Variants in PCDHA2 observed in about 807,000 individuals in gnomAD.
PCDHA2 encodes the protein protocadherin alpha 2.
PCDHA2 carries 58 observed loss-of-function variants against 66.0 expected under a neutral mutation model. The ratio of observed to expected loss-of-function variants is 0.88; its 90% confidence interval spans 0.71 to 1.09. The LOEUF (loss-of-function observed/expected upper bound fraction) is 1.09, where lower values mean the gene tolerates loss of function less well. Ranked by LOEUF, PCDHA2 falls within the 50% of genes least tolerant of loss-of-function variation. PCDHA2 has a pLI of 0.00. For missense variants in PCDHA2, 1,267 were observed against 1,242.3 expected (o/e 1.02, Z -0.30); for synonymous variants, 634 against 554.0 (o/e 1.14, Z -2.03).
At chr5:140,883,623 C>T (rs782045250) in intron 1 of PCDHA2, 3 of 1,613,988 alleles carry the variant, frequency 1.9e-6, no homozygotes, top group East Asian at 4.5e-5. Context: ...AACGACAACG[C>T]GCCGGCGTTC....
At chr5:140,979,354 A>G (rs1205411040) in intron 2 of PCDHA2, among the ~76,000 whole-genome samples, 1 of 151,576 alleles carries the variant, frequency 6.6e-6, no homozygotes. Context: ...ATTAATACTC[A>G]TGCTTTGAGA....
rs1781057747 is a variant in PCDHA2 at position 140,847,527 on chromosome 5, G to T, written c.2388+50175G>T. On this transcript the variant is annotated intron_variant, in intron 1 of 3. Transcript: ENST00000526136. ...ACTTTGTAGAACTTAGTCAGGAAAA[G>T]AATCTCAAGCATAGCTTTAAAAACA... 2.0e-5 allele frequency: 3 copies of T among 149,526 alleles called. No homozygotes were observed. In the Admixed American group the frequency reaches 2.0e-4, roughly 10 times the overall value. The allele number at this position is 149,526 out of a possible 1,614,324, so 9.3% of individuals were successfully genotyped here.
chr5:140,942,808 C>T (rs1175421349), intron 1 of PCDHA2, among the ~76,000 whole-genome samples: 1 of 151,920 alleles, frequency 6.6e-6, no homozygotes, highest in East Asian at 1.9e-4. Context: ...TTTCCACAAA[C>T]TAGTTGGATT....
intron 1 of PCDHA2, among the ~76,000 whole-genome samples, chr5:140,888,286 C>T (rs1277980750): frequency 6.6e-6 from 1 of 152,080 alleles, no homozygotes; most frequent in African/African-American, 2.4e-5. Context: ...TCCCCTCTAC[C>T]CCCTACCCAG....
In PCDHA2 at chr5:140,988,105, A is replaced by C. The variant is rs2097283158; in HGVS notation, c.2536+5542A>C. On this transcript the variant is annotated intron_variant, in intron 3 of 3. Transcript: ENST00000526136. ...TGAGTGCAGCCTCGGGCCTTGTTGGAGAATTTAGAAAGCATGCTGTTCCAC... is the reference window on the plus strand; with the variant it reads ...TGAGTGCAGCCTCGGGCCTTGTTGGCGAATTTAGAAAGCATGCTGTTCCAC... Among the ~76,000 whole-genome samples the C allele has an allele frequency of 2.6e-5, 4 of 152,138 alleles. No individual in the cohort carries two copies. In the South Asian group the frequency reaches 8.3e-4, roughly 32 times the overall value.
chr5:140,965,029 A>G (rs1252337885), intron 1 of PCDHA2, among the ~76,000 whole-genome samples: 2 of 152,178 alleles, frequency 1.3e-5, no homozygotes, highest in Non-Finnish European at 2.9e-5. Context: ...GGCTCCTTTA[A>G]CTGTCCGCTC....
intron 1 of PCDHA2, chr5:140,821,742 G>A (rs2150110366): frequency 9.6e-6 from 15 of 1,555,750 alleles, no homozygotes; most frequent in African/African-American, 1.4e-5. Flanking sequence ...GTGTGGTGAT[G>A]CAATAGAAAG....
chr5:140,865,243 T>C (rs1554159328), intron 1 of PCDHA2: 1 of 152,228 alleles, frequency 6.6e-6, no homozygotes, highest in Non-Finnish European at 1.5e-5. Flanking sequence ...CACGTATTTA[T>C]AGCTGTAAGG....
In PCDHA2 at chr5:140,795,105, C is replaced by G. The variant is rs782509619; in HGVS notation, c.141C>G (p.Arg47=). ...EEAKHGTFVG[R]IAQDLGLELE... ...CCAAACACGGCACCTTCGTGGGCCG[C>G]ATCGCGCAGGACCTGGGGCTGGAGC... The change falls in exon 1 of 4, where the codon CGC becomes CGG. Residue 47 remains arginine, a synonymous_variant. Coordinates refer to ENST00000526136, the MANE Select transcript of PCDHA2 (RefSeq NM_018905.3). 3.1e-6 allele frequency: 5 copies of G among 1,614,046 alleles called. No individual in the cohort carries two copies. Among genetic ancestry groups the G allele is most frequent in the Middle Eastern group, 1.7e-4 (1 of 6,024 alleles).
intron 1 of PCDHA2, chr5:140,803,924 A>G (rs1554122994): frequency 2.1e-6 from 1 of 478,316 alleles, no homozygotes; most frequent in Non-Finnish European, 3.7e-6. Flanking sequence ...GACTTGTTTT[A>G]TACTTATCCC....
At chr5:140,844,014 G>A (rs2150368262) in intron 1 of PCDHA2, among the ~76,000 whole-genome samples, 4 of 149,646 alleles carry the variant, frequency 2.7e-5, no homozygotes, top group Admixed American at 2.0e-4. Context: ...CTCTAAGGAC[G>A]TTCAGGGCAT....
intron 1 of PCDHA2, chr5:140,883,321 C>T: frequency 6.2e-7 from 1 of 1,614,120 alleles, no homozygotes; most frequent in South Asian, 1.1e-5. Flanking sequence ...CAGAGGTTAC[C>T]ATCACTTCTT....
At position 140,856,900 on chromosome 5, in the gene PCDHA2, C is replaced by T. The variant is rs782598308; in HGVS notation, c.2388+59548C>T. On this transcript the variant is annotated intron_variant, in intron 1 of 3. Coordinates refer to ENST00000526136, the MANE Select transcript of PCDHA2 (RefSeq NM_018905.3). ...TGATGTATTCATTTAGCTCTTTGGT[C>T]CCACCCACGATAAGAAGGAAATTTT... The T allele has an allele frequency of 1.0e-5, 16 of 1,596,132 alleles. No homozygotes were observed. In the East Asian group the frequency reaches 2.7e-4, roughly 27 times the overall value.
At position 140,880,491 on chromosome 5, in the gene PCDHA2, A is replaced by G. The variant is rs570569134; in HGVS notation, c.2388+83139A>G. Among the ~76,000 whole-genome samples, 6 of 152,342 alleles carry G rather than the reference A, an allele frequency of 3.9e-5. No individual in the cohort carries two copies. In the South Asian group the frequency reaches 1.2e-3, roughly 32 times the overall value. On this transcript the variant is annotated intron_variant, in intron 1 of 3. Transcript: ENST00000526136. Reference sequence around the variant, plus strand: ...AGGAAAAATGACACAAGAAGAGAGCAATTGAATTTCTGTTTGGTCACATCT... The same window carrying G: ...AGGAAAAATGACACAAGAAGAGAGCGATTGAATTTCTGTTTGGTCACATCT...
chr5:140,814,582 T>C (rs1437019387), intron 1 of PCDHA2: 8 of 152,350 alleles, frequency 5.3e-5, no homozygotes, highest in South Asian at 2.1e-4. Flanking sequence ...TGTAAATTAC[T>C]GTACATAATT....
intron 1 of PCDHA2, among the ~76,000 whole-genome samples, chr5:140,914,408 T>C (rs917953173): frequency 6.6e-6 from 1 of 152,224 alleles, no homozygotes; most frequent in Non-Finnish European, 1.5e-5. Context: ...GCTCCTGTTT[T>C]GTTTCCATTA....
chr5:140,946,631 T>TATATATATATAC (rs57893927), intron 1 of PCDHA2, among the ~76,000 whole-genome samples: 3,699 of 131,684 alleles, frequency 0.028, 186 homozygotes, highest in East Asian at 0.064. Flanking sequence ...TATATATATA[T>TATATATATATAC]ACAATGGAAT....
chr5:140,834,243 A>C (rs1260140058), intron 1 of PCDHA2: 4 of 837,910 alleles, frequency 4.8e-6, no homozygotes, highest in Non-Finnish European at 7.4e-6. Flanking sequence ...TCCTTTTCGC[A>C]CTGGAAAGAC....
In PCDHA2 at chr5:140,927,810, GGAGGCATACATT is replaced by G. The variant is rs782126534; in HGVS notation, c.2389-51133_2389-51122del. Reference sequence around the variant, plus strand: ...CACTAGGTCCGCCTGAAACGCTCTTGGAGGCATACATTGAGGCGAGGGACGAAGGTGTCTTTG... The same window carrying G: ...CACTAGGTCCGCCTGAAACGCTCTTGGAGGCGAGGGACGAAGGTGTCTTTG... On this transcript the variant is annotated intron_variant, in intron 1 of 3. Transcript: ENST00000526136. 3.7e-6 allele frequency: 6 copies of G among 1,614,082 alleles called. No individual in the cohort carries two copies. The South Asian group carries it at 6.6e-5, about 18-fold the overall frequency.
Sources: gnomAD v4.1 joint callset for allele counts (sites outside exome capture counted in the v4.1 genomes callset) on GRCh38, gnomAD v4.1.1 for gene constraint, MANE v1.5 for transcripts, NCBI Gene and HGNC (gene_info 2026-07-23, HGNC 2026-07-21) for gene names.